Variants in ATP8B3 observed in about 807,000 individuals in gnomAD.
ATP8B3 encodes the protein phospholipid-transporting ATPase IK.
Under a neutral mutation model 140.9 loss-of-function variants are expected in ATP8B3, and 141 were observed. That is an observed-to-expected ratio of 1.00 (90% CI 0.87 to 1.15). ATP8B3 has a LOEUF of 1.15. Among genes scored for constraint, ATP8B3 ranks in the 50% most tolerant of loss-of-function variants. The probability of loss-of-function intolerance (pLI) is 0.00; values close to 1 mark genes in which losing one functional copy is unlikely to be tolerated. For synonymous variants in ATP8B3, 765 were observed against 714.6 expected (o/e 1.07, Z -1.13); for missense variants, 1,874 against 1,740.6 (o/e 1.08, Z -1.36).
chr19:1,784,856 C>G lies in ATP8B3; in HGVS notation c.3623G>C (p.Arg1208Pro). The G allele has an allele frequency of 1.9e-6, 3 of 1,610,914 alleles. No individual in the cohort carries two copies. The highest frequency in any genetic ancestry group is 2.5e-6 in the Non-Finnish European group (3 of 1,178,684). Residue 1208 changes from arginine (R) to proline (P), a missense_variant, in exon 28 of 29, where the codon CGA becomes CCA. Physicochemically the swap from Arg to Pro is moderately radical, Grantham distance 103. Coordinates refer to ENST00000310127, the MANE Select transcript of ATP8B3 (RefSeq NM_138813.4). ...SINTFPVLAL[R>P]VIFPALKELR... ...CTCCTTGAGGGCTGGGAAGATGACT[C>G]GGAGGGCCAGGACAGGGAAGGTGTT... is the stretch of plus-strand genomic sequence containing the variant.
At position 1,794,780 on chromosome 19, in the gene ATP8B3, C is replaced by T. The variant is rs1252302153; in HGVS notation, c.2055+1095G>A. ...AGCCAGAAACTGGGTCCTAGGGAGTCCCTTGGTGAGGCCAAAGAGAGACCA... is the reference window on the plus strand; with the variant it reads ...AGCCAGAAACTGGGTCCTAGGGAGTTCCTTGGTGAGGCCAAAGAGAGACCA... On this transcript the variant is annotated intron_variant, in intron 18 of 28. Transcript: ENST00000310127. This position sits in a 1 kb window ranked among gnomAD's most constrained non-coding sequence, Gnocchi z 4.8. Among the ~76,000 whole-genome samples the T allele has an allele frequency of 6.6e-6, 1 of 152,126 alleles. No homozygotes were observed. Among genetic ancestry groups the T allele is most frequent in the Non-Finnish European group, 1.5e-5 (1 of 68,026 alleles).
intron 10 of ATP8B3, among the ~76,000 whole-genome samples, chr19:1,804,656 A>T (rs1432840818): frequency 6.6e-6 from 1 of 151,904 alleles, no homozygotes. Context: ...AAATACAAAA[A>T]TTAGCTGGGA....
intron 10 of ATP8B3, among the ~76,000 whole-genome samples, chr19:1,804,023 G>A (rs2068935670): frequency 6.6e-6 from 1 of 152,096 alleles, no homozygotes; most frequent in South Asian, 2.1e-4. Flanking sequence ...AGACAGATGG[G>A]GAAAACCTCT....
chr19:1,801,035 A>ACTAAAG (rs2068832772), intron 12 of ATP8B3, among the ~76,000 whole-genome samples: 2 of 150,546 alleles, frequency 1.3e-5, no homozygotes, highest in African/African-American at 4.9e-5. Context: ...TCACTGTGTT[A>ACTAAAG]GCCAGGATGG....
chr19:1,808,107 G>T, intron 5 of ATP8B3, 115 bp downstream of exon 5: 1 of 813,158 alleles, frequency 1.2e-6, no homozygotes, highest in Non-Finnish European at 2.0e-6. Context: ...GGGACTCAGC[G>T]CTGAGGGTCC....
In ATP8B3 at chr19:1,796,194, C is replaced by G; in HGVS notation, c.1825G>C (p.Val609Leu). The G allele has an allele frequency of 1.2e-6, 2 of 1,612,834 alleles. No homozygotes were observed. The highest frequency in any genetic ancestry group is 1.7e-6 in the Non-Finnish European group (2 of 1,179,852). ...GTGTCCTGGGTGCGGGACAGGAACA[C>G]GTAGCCGAAGTTCCGGGCTGCGGTG... ...LVTAARNFGYVFLSRTQDTVT... is the reference protein window; with the variant it reads ...LVTAARNFGYLFLSRTQDTVT... Residue 609 changes from valine to leucine, a missense_variant, in exon 17 of 29, where the codon GTG becomes CTG. By Grantham distance (32) the Val-to-Leu change is conservative (BLOSUM62 1). Transcript: ENST00000310127.
Position 1,808,346 on chromosome 19 carries a change from A to G in ATP8B3, c.403-11T>C, listed in dbSNP as rs2069090802. 3 of 1,603,514 alleles carry G rather than the reference A, an allele frequency of 1.9e-6. No individual in the cohort carries two copies. Among genetic ancestry groups the G allele is most frequent in the Admixed American group, 1.7e-5 (1 of 59,556 alleles). ...GCGGATGACATTGGTCTGGAACGAG[A>G]GCCGCGGGCTGCCTGGCAGAGGGGT... On this transcript the variant is annotated splice_polypyrimidine_tract_variant and intron_variant, in intron 4 of 28. Transcript: ENST00000310127.
In ATP8B3 at chr19:1,807,381, C is replaced by T; in HGVS notation, c.517-115G>A. On this transcript the variant is annotated intron_variant, in intron 5 of 28. Transcript: ENST00000310127. The surrounding 1 kb of genome is among the most constrained non-coding windows in gnomAD (Gnocchi z 5.9). ...ACCACGTGACACATCTGCTGGCCAC[C>T]TTGACCGGGGTCCAGCCATCTCCTG... 1.2e-6 allele frequency: 1 copy of T among 817,216 alleles called. No individual in the cohort carries two copies. 50.6% of individuals were successfully genotyped at this position (817,216 alleles called of 1,614,324 possible).
chr19:1,805,741 G>A lies in ATP8B3; in HGVS notation c.821+147C>T. The A allele has an allele frequency of 1.1e-6, 1 of 952,066 alleles. No individual in the cohort carries two copies. Among genetic ancestry groups the A allele is most frequent in the Non-Finnish European group, 1.6e-6 (1 of 629,488 alleles). The allele number at this position is 952,066 out of a possible 1,614,324, so 59.0% of individuals were successfully genotyped here. A position where few individuals can be genotyped will look rare whatever the true frequency, so the allele number is the denominator to read the frequency against. ...GTCTTCCTCCCCTCAGTGCCTGGCA[G>A]CACCCACGCCCCAGACACTCATGGG... On this transcript the variant is annotated intron_variant, in intron 9 of 28. Transcript: ENST00000310127. This position sits in a 1 kb window ranked among gnomAD's most constrained non-coding sequence, Gnocchi z 5.2.
At chr19:1,790,661 G>C in intron 21 of ATP8B3, 96 bp downstream of exon 21, 1 of 750,528 alleles carries the variant, frequency 1.3e-6, no homozygotes, top group Admixed American at 4.2e-5. Flanking sequence ...TTCCCACTGT[G>C]CCTTGGGCTC....
chr19:1,792,567 G>A (rs2145183118), intron 18 of ATP8B3, among the ~76,000 whole-genome samples: 1 of 131,726 alleles, frequency 7.6e-6, no homozygotes, highest in East Asian at 2.2e-4. Context: ...GCGACAAAGT[G>A]AGACTCCATC....
intron 23 of ATP8B3, 65 bp downstream of exon 23, chr19:1,789,296 C>A: frequency 5.6e-6 from 8 of 1,437,488 alleles, no homozygotes; most frequent in Non-Finnish European, 7.3e-6. Context: ...CCCAGTCCCA[C>A]CACCGCCTCC....
Position 1,800,029 on chromosome 19 carries a change from T to C in ATP8B3, c.1470A>G (p.Glu490=), listed in dbSNP as rs1292028193. 4 of 1,604,542 alleles carry C rather than the reference T, an allele frequency of 2.5e-6. No homozygotes were observed. The Admixed American group carries it at 5.1e-5, about 20-fold the overall frequency. ...TGCCCGTCTTGTCCGAGAAGATGTA[T>C]TCCACCTGGCCCAGGTGGTCGTTGA... ...TSLNDHLGQV[E]YIFSDKTGTL... is the part of the protein sequence containing the mutation. Residue 490 remains glutamate (E), a synonymous_variant, in exon 14 of 29, where the codon GAA becomes GAG. Coordinates refer to ENST00000310127, the MANE Select transcript of ATP8B3 (RefSeq NM_138813.4). This position sits in a 1 kb window ranked among gnomAD's most constrained non-coding sequence, Gnocchi z 4.4.
At chr19:1,796,436 C>G (rs925629377) in intron 16 of ATP8B3, among the ~76,000 whole-genome samples, 171 bp from the exon 17 acceptor site, 2 of 152,256 alleles carry the variant, frequency 1.3e-5, no homozygotes, top group Admixed American at 1.3e-4. Context: ...AGACGACCTT[C>G]CCGCTCAACA....
rs374074487 is a variant in ATP8B3, at chr19:1,796,950, G to A, written c.1584+24C>T. 78 of 1,612,722 alleles carry A rather than the reference G, an allele frequency of 4.8e-5. No homozygotes were observed. The African/African-American group carries it at 7.5e-4, about 15-fold the overall frequency. On this transcript the variant is annotated intron_variant, in intron 15 of 28. Coordinates refer to ENST00000310127, the MANE Select transcript of ATP8B3 (RefSeq NM_138813.4). ...CGTGCCCCGTCCCCCTCACCGTCCC[G>A]CGCTGCAAGCCAGGCAGGCTCACCT...
At position 1,782,989 on chromosome 19, in the gene ATP8B3, G is replaced by A; in HGVS notation, c.*39C>T. 6.4e-7 allele frequency: 1 copy of A among 1,569,456 alleles called. No homozygotes were observed. Among genetic ancestry groups the A allele is most frequent in the East Asian group, 2.3e-5 (1 of 42,628 alleles). On this transcript the variant is annotated 3_prime_UTR_variant, in exon 29 of 29. Coordinates refer to ENST00000310127, the MANE Select transcript of ATP8B3 (RefSeq NM_138813.4). ...GGGAGGACACCTGCCCCTGTGGCTGGTGCTTCTTCTTCCCCAGGAAGGACA... is the reference window on the plus strand; with the variant it reads ...GGGAGGACACCTGCCCCTGTGGCTGATGCTTCTTCTTCCCCAGGAAGGACA...
rs1388370544 is a variant in ATP8B3 at position 1,800,365 on chromosome 19, A to C, written c.1237T>G (p.Tyr413Asp). The C allele has an allele frequency of 6.2e-7, 1 of 1,610,734 alleles. No homozygotes were observed. The highest frequency in any genetic ancestry group is 1.1e-5 in the South Asian group (1 of 91,034). ...SVKEFKDHHY[Y>D]LSGVHGSSVA... ...CTGCTCCCATGCACCCCCGAGAGGT[A>C]GTAGTGGTGGTCTTTGAATTCTTTG... The change falls in exon 13 of 29, where the codon TAC becomes GAC. Residue 413 changes from tyrosine (Y) to aspartate (D), a missense_variant. Transcript: ENST00000310127. This position sits in a 1 kb window ranked among gnomAD's most constrained non-coding sequence, Gnocchi z 4.4.
chr19:1,806,536 C>T lies in ATP8B3; in HGVS notation c.677+92G>A, dbSNP rs1165792916. 8.5e-6 allele frequency: 13 copies of T among 1,529,762 alleles called. No individual in the cohort carries two copies. Among genetic ancestry groups the T allele is most frequent in the East Asian group, 4.9e-5 (2 of 40,836 alleles). The allele number at this position is 1,529,762 out of a possible 1,614,324, so 94.8% of individuals were successfully genotyped here. A position where few individuals can be genotyped will look rare whatever the true frequency, so the allele number is the denominator to read the frequency against. On this transcript the variant is annotated intron_variant, in intron 7 of 28. Transcript: ENST00000310127. The surrounding 1 kb of genome is among the most constrained non-coding windows in gnomAD (Gnocchi z 5.6). ...CAACCAGCCGGGAGATCAGGGAGCACGGAAGGTGATGGACACTTGCCGAGG... is the reference window on the plus strand; with the variant it reads ...CAACCAGCCGGGAGATCAGGGAGCATGGAAGGTGATGGACACTTGCCGAGG...
Position 1,796,816 on chromosome 19 carries a change from G to C in ATP8B3, c.1648C>G (p.Leu550Val), listed in dbSNP as rs200643613. 2 of 1,612,594 alleles carry C rather than the reference G, an allele frequency of 1.2e-6. No individual in the cohort carries two copies. Among genetic ancestry groups the C allele is most frequent in the African/African-American group, 2.7e-5 (2 of 75,048 alleles). The change falls in exon 16 of 29, where the codon CTG becomes GTG. Residue 550 changes from leucine (L) to valine (V), a missense_variant. Coordinates refer to ENST00000310127, the MANE Select transcript of ATP8B3 (RefSeq NM_138813.4). The stretch of plus-strand genomic sequence containing the variant: ...TCCCCGTTGGTCCGCACGAGGTGCA[G>C]CAGGGCCGCATTGTGGAAGAGCAGC... ...GKLLFHNAAL[L>V]HLVRTNGDEA... is the part of the protein sequence containing the mutation.
Sources: allele counts gnomAD v4.1 joint callset (sites outside exome capture counted in the v4.1 genomes callset), GRCh38; gene constraint gnomAD v4.1.1; non-coding constraint Gnocchi (gnomAD v3.1); transcripts MANE v1.5; gene names NCBI Gene and HGNC (gene_info 2026-07-23, HGNC 2026-07-21).